Variants in CCDC13 observed in about 807,000 individuals in gnomAD.
The protein encoded by CCDC13 is coiled-coil domain containing 13.
A neutral mutation model predicts 87.3 loss-of-function variants in CCDC13; 70 were observed. That is an observed-to-expected ratio of 0.80 (90% CI 0.66 to 0.98). The LOEUF (loss-of-function observed/expected upper bound fraction) is 0.98, where lower values mean the gene tolerates loss of function less well. Ranked by LOEUF, CCDC13 falls within the 50% of genes least tolerant of loss-of-function variation. The pLI is 0.00. For missense variants in CCDC13, 842 were observed against 892.0 expected (o/e 0.94, Z 0.71); for synonymous variants, 317 against 360.3 (o/e 0.88, Z 1.36).
Position 42,713,160 on chromosome 3 carries a change from A to G in CCDC13, c.1873+2T>C, listed in dbSNP as rs1698352528. 1 of 1,613,398 alleles carries G rather than the reference A, an allele frequency of 6.2e-7. No homozygotes were observed. The highest frequency in any genetic ancestry group is 1.3e-5 in the African/African-American group (1 of 74,916). ...CACTGAGACTACTGCCCTGGCCCCT[A>G]CCTGTTTTGGTCCTGGGAGCTGCTC... On this transcript the variant is annotated splice_donor_variant, in intron 14 of 15. Coordinates refer to ENST00000310232, the MANE Select transcript of CCDC13 (RefSeq NM_144719.4). LOFTEE classifies it high-confidence loss of function.
chr3:42,763,746 T>C (rs574214803), intron 1 of CCDC13, among the ~76,000 whole-genome samples: 2 of 152,278 alleles, frequency 1.3e-5, no homozygotes, highest in South Asian at 4.1e-4. Flanking sequence ...TCTCAAGTGA[T>C]CCACCCACCT....
intron 3 of CCDC13, 73 bp from the exon 4 acceptor site, chr3:42,752,790 A>C (rs1699619352): frequency 6.4e-7 from 1 of 1,558,864 alleles, no homozygotes; most frequent in Admixed American, 1.7e-5. Flanking sequence ...CACCACTAAC[A>C]GCACCAGGGT....
Position 42,739,829 on chromosome 3 carries a change from G to A in CCDC13, c.988-19C>T. The A allele has an allele frequency of 1.9e-6, 3 of 1,610,214 alleles. No individual in the cohort carries two copies. The highest frequency in any genetic ancestry group is 2.5e-6 in the Non-Finnish European group (3 of 1,177,534). On this transcript the variant is annotated intron_variant, in intron 8 of 15. Coordinates refer to ENST00000310232, the MANE Select transcript of CCDC13 (RefSeq NM_144719.4). ...CAAGTTTCTGTAATTAGAAAGTGAGGGCATGGGCAGCAGGGCTGTGTGGGA... is the reference window on the plus strand; with the variant it reads ...CAAGTTTCTGTAATTAGAAAGTGAGAGCATGGGCAGCAGGGCTGTGTGGGA...
chr3:42,768,542 A>T (rs11129971), intron 1 of CCDC13, among the ~76,000 whole-genome samples: 1 of 152,024 alleles, frequency 6.6e-6, no homozygotes, highest in Non-Finnish European at 1.5e-5. Flanking sequence ...ACTGAAAATA[A>T]AAAAATTAGC....
chr3:42,766,465 G>A (rs940209063), intron 1 of CCDC13, among the ~76,000 whole-genome samples: 2 of 152,042 alleles, frequency 1.3e-5, no homozygotes, highest in African/African-American at 2.4e-5. Context: ...TAAAAACAGC[G>A]AGTTTTGCAG....
chr3:42,756,786 T>A (rs1005552063), intron 3 of CCDC13, among the ~76,000 whole-genome samples: 14 of 152,196 alleles, frequency 9.2e-5, no homozygotes, highest in Non-Finnish European at 4.4e-5. Flanking sequence ...GAGTCCCAGC[T>A]GGATCACCAA....
rs188655346 is a variant in CCDC13, at chr3:42,720,095, A to G, written c.1719-6779T>C. Among the ~76,000 whole-genome samples the G allele has an allele frequency of 1.6e-3, 237 of 152,288 alleles. 1 individual carries two copies. The highest frequency in any genetic ancestry group is 5.6e-3 in the African/African-American group (232 of 41,568). On this transcript the variant is annotated intron_variant, in intron 13 of 15. Transcript: ENST00000310232. ...TTCTTTGACTTTTGAAAATTGTTCA[A>G]TTTACCTACTTTGGAGCATTAGATT...
intron 1 of CCDC13, among the ~76,000 whole-genome samples, chr3:42,760,783 AAATT>A (rs1424481128): frequency 4.6e-5 from 7 of 151,856 alleles, no homozygotes; most frequent in Non-Finnish European, 8.8e-5. Flanking sequence ...AAATATAAAT[AAATT>A]AATTAATTAA....
At chr3:42,726,168 A>G (rs1232647435) in intron 13 of CCDC13, among the ~76,000 whole-genome samples, 3 of 151,994 alleles carry the variant, frequency 2.0e-5, no homozygotes, top group East Asian at 1.9e-4. Context: ...CAGCCTCCCA[A>G]GTTGCTGGGA....
chr3:42,767,001 A>G (rs339664), intron 1 of CCDC13, among the ~76,000 whole-genome samples: 74,198 of 152,038 alleles, frequency 0.49, 18,737 homozygotes, highest in East Asian at 0.81. Context: ...TGGGAACATG[A>G]CAAGATGTCC....
At chr3:42,718,392 C>T (rs1196766760) in intron 13 of CCDC13, among the ~76,000 whole-genome samples, 2 of 150,592 alleles carry the variant, frequency 1.3e-5, no homozygotes, top group African/African-American at 5.0e-5. Context: ...TTGTTTAGCA[C>T]ATCATCAAGA....
intron 13 of CCDC13, among the ~76,000 whole-genome samples, chr3:42,729,794 T>C (rs897514962): frequency 1.3e-5 from 2 of 152,232 alleles, no homozygotes; most frequent in African/African-American, 4.8e-5. Context: ...TTGTCTGTCA[T>C]CAAAGAGCCT....
intron 4 of CCDC13, 24 bp downstream of exon 4, chr3:42,752,550 AG>A (rs1699610605): frequency 6.2e-7 from 1 of 1,613,706 alleles, no homozygotes; most frequent in Admixed American, 1.7e-5. Context: ...TCCCCTCCAG[AG>A]GGAGAATGAC....
At chr3:42,751,046 GC>G (rs1363069255) in intron 5 of CCDC13, among the ~76,000 whole-genome samples, 1 of 152,126 alleles carries the variant, frequency 6.6e-6, no homozygotes, top group Non-Finnish European at 1.5e-5. Context: ...GAACCTGAGG[GC>G]CCATCCCCGC....
intron 11 of CCDC13, 55 bp downstream of exon 11, chr3:42,733,415 T>A: frequency 6.2e-7 from 1 of 1,608,314 alleles, no homozygotes; most frequent in Non-Finnish European, 8.5e-7. Context: ...AAACAACCTT[T>A]CTTCCGAATA....
intron 13 of CCDC13, chr3:42,719,014 T>TA (rs1698495142): frequency 6.6e-6 from 1 of 152,130 alleles, no homozygotes. Context: ...TTAGGAGGGT[T>TA]AGAGTCCCTT....
chr3:42,709,282 A>C, intron 15 of CCDC13, 143 bp from the exon 16 acceptor site: 3 of 793,862 alleles, frequency 3.8e-6, no homozygotes, highest in South Asian at 2.0e-5. Flanking sequence ...CCTCTCACTG[A>C]CTCTTGTGGG....
rs1007579773 is a variant in CCDC13 at position 42,773,253 on chromosome 3, T to G, written c.-84A>C. 5 of 152,234 alleles carry G rather than the reference T, an allele frequency of 3.3e-5. No homozygotes were observed. Among genetic ancestry groups the G allele is most frequent in the African/African-American group, 1.2e-4 (5 of 41,450 alleles). The allele number at this position is 152,234 out of a possible 1,614,324, so 9.4% of individuals were successfully genotyped here. On this transcript the variant is annotated 5_prime_UTR_variant, in exon 1 of 16. Coordinates refer to ENST00000310232, the MANE Select transcript of CCDC13 (RefSeq NM_144719.4). ...CTCCGGACGCCGACACGCGCTGCCC[T>G]GGCAACCGTCACCAGGGAAACAAGC... is the stretch of plus-strand genomic sequence containing the variant.
chr3:42,772,648 C>T (rs1700156821), intron 1 of CCDC13, among the ~76,000 whole-genome samples: 1 of 152,114 alleles, frequency 6.6e-6, no homozygotes, highest in Admixed American at 6.5e-5. Flanking sequence ...CTAGCATCTT[C>T]GTAGGGATGG....
Sources: allele counts gnomAD v4.1 joint callset (sites outside exome capture counted in the v4.1 genomes callset), GRCh38; gene constraint gnomAD v4.1.1; transcripts MANE v1.5; gene names NCBI Gene and HGNC (gene_info 2026-07-23, HGNC 2026-07-21).